Variants in ULK4 observed in about 807,000 individuals in gnomAD.
The protein encoded by ULK4 is inactive serine/threonine-protein kinase ULK4.
A neutral mutation model predicts 160.6 loss-of-function variants in ULK4; 133 were observed. That is an observed-to-expected ratio of 0.83 (90% CI 0.72 to 0.96). ULK4 has a LOEUF of 0.96. Among genes scored for constraint, ULK4 ranks in the 40% least tolerant of loss-of-function variants. The probability of loss-of-function intolerance (pLI) is 0.00; values close to 1 mark genes in which losing one functional copy is unlikely to be tolerated. For synonymous variants in ULK4, 534 were observed against 539.8 expected (o/e 0.99, Z 0.15); for missense variants, 1,580 against 1,499.5 (o/e 1.05, Z -0.89).
chr3:41,775,034 G>A (rs1323077585), intron 21 of ULK4, among the ~76,000 whole-genome samples: 2 of 145,342 alleles, frequency 1.4e-5, no homozygotes, highest in African/African-American at 2.7e-5. Flanking sequence ...GGAACACATG[G>A]ACACAGGAAG....
chr3:41,878,025 T>C (rs1697373916), intron 17 of ULK4, among the ~76,000 whole-genome samples: 1 of 151,400 alleles, frequency 6.6e-6, no homozygotes, highest in Admixed American at 6.6e-5. Flanking sequence ...ACTGTGAATT[T>C]TTCTCTTTTT....
chr3:41,600,293 T>C (rs1211719056), intron 31 of ULK4, among the ~76,000 whole-genome samples: 2 of 152,164 alleles, frequency 1.3e-5, no homozygotes, highest in African/African-American at 2.4e-5. Flanking sequence ...CATGACATAG[T>C]TCCTGCTGTA....
chr3:41,533,171 A>G (rs923959626), intron 32 of ULK4, among the ~76,000 whole-genome samples: 1 of 151,434 alleles, frequency 6.6e-6, no homozygotes, highest in African/African-American at 2.4e-5. Context: ...AGCCCAGATC[A>G]TGCTGCCAAA....
intron 35 of ULK4, among the ~76,000 whole-genome samples, chr3:41,263,948 C>T (rs558304171): frequency 6.6e-6 from 1 of 152,228 alleles, no homozygotes; most frequent in South Asian, 2.1e-4. Context: ...CCTTGAGAAA[C>T]ACAATTAAAA....
At chr3:41,924,110 A>C (rs947665435) in intron 5 of ULK4, among the ~76,000 whole-genome samples, 7 of 152,068 alleles carry the variant, frequency 4.6e-5, no homozygotes, top group Non-Finnish European at 8.8e-5. Context: ...CCTAACCAAA[A>C]TTTTTGCCCT....
At chr3:41,494,111 G>T (rs373330797) in intron 32 of ULK4, among the ~76,000 whole-genome samples, 26,027 of 99,330 alleles carry the variant, frequency 0.26, 2,296 homozygotes, top group Non-Finnish European at 0.29. Context: ...CCAAAGCTGG[G>T]CAGAGACACA....
intron 29 of ULK4, among the ~76,000 whole-genome samples, chr3:41,663,908 T>C (rs1439321918): frequency 1.3e-5 from 2 of 152,102 alleles, no homozygotes; most frequent in East Asian, 1.9e-4. Context: ...AAACCAAATA[T>C]AGAAAGACAA....
chr3:41,650,904 T>A (rs1278096130), intron 30 of ULK4, among the ~76,000 whole-genome samples: 1 of 152,202 alleles, frequency 6.6e-6, no homozygotes, highest in Non-Finnish European at 1.5e-5. Flanking sequence ...CTCATTAACA[T>A]AGAGACAACA....
At chr3:41,343,406 G>A (rs1332138246) in intron 35 of ULK4, among the ~76,000 whole-genome samples, 5 of 145,720 alleles carry the variant, frequency 3.4e-5, no homozygotes, top group African/African-American at 1.3e-4. Context: ...CCGGGTTCCA[G>A]TGATTCTCCT....
intron 35 of ULK4, among the ~76,000 whole-genome samples, chr3:41,350,089 T>C (rs1404975576): frequency 3.3e-5 from 5 of 152,222 alleles, no homozygotes; most frequent in Non-Finnish European, 7.3e-5. Context: ...GACCTTTCCA[T>C]ATTTTATGTA....
intron 27 of ULK4, 54 bp from the exon 28 acceptor site, chr3:41,681,858 C>A: frequency 6.3e-7 from 1 of 1,583,468 alleles, no homozygotes; most frequent in East Asian, 2.2e-5. Context: ...AAACTGATAT[C>A]AACCACTATC....
intron 22 of ULK4, among the ~76,000 whole-genome samples, chr3:41,719,895 G>A (rs929848175): frequency 3.3e-5 from 5 of 151,934 alleles, no homozygotes; most frequent in Admixed American, 1.3e-4. Flanking sequence ...CTCCAGTTTC[G>A]TCTTGTTTTC....
Position 41,273,049 on chromosome 3 carries a change from C to G in ULK4, c.3679-23475G>C, listed in dbSNP as rs535612954. On this transcript the variant is annotated intron_variant, in intron 35 of 36. Coordinates refer to ENST00000301831, the MANE Select transcript of ULK4 (RefSeq NM_017886.4). ...TCACTTCTGGATTGGCTTTGATAGA[C>G]TGTATTTTTCTGCCTCTTTGCATGC... 2.6e-5 allele frequency among the ~76,000 whole-genome samples: 4 copies of G among 152,294 alleles called. No individual in the cohort carries two copies. In the East Asian group the frequency reaches 7.7e-4, roughly 29 times the overall value.
At chr3:41,880,080 A>T (rs910643709) in intron 17 of ULK4, among the ~76,000 whole-genome samples, 1 of 152,140 alleles carries the variant, frequency 6.6e-6, no homozygotes, top group Non-Finnish European at 1.5e-5. Context: ...AGATCACGCC[A>T]CTGCAATCCA....
At chr3:41,340,756 C>T (rs543723503) in intron 35 of ULK4, among the ~76,000 whole-genome samples, 2 of 152,196 alleles carry the variant, frequency 1.3e-5, no homozygotes, top group Admixed American at 1.3e-4. Context: ...AAGGTTCTTT[C>T]GTCTCTGATG....
chr3:41,937,320 G>A (rs535110413), intron 3 of ULK4: 2 of 693,580 alleles, frequency 2.9e-6, no homozygotes, highest in Non-Finnish European at 5.3e-6. Context: ...ATCCATGGAA[G>A]TAATCAACCA....
At position 41,854,335 on chromosome 3, in the gene ULK4, A is replaced by G. The variant is rs566699186; in HGVS notation, c.1657-18364T>C. On this transcript the variant is annotated intron_variant, in intron 17 of 36. Transcript: ENST00000301831. ...ACACCAGCATCTTTGAAGAGCTCTA[A>G]GGTGGCTATCCTTATAGGCCAGAGA... 7.2e-5 allele frequency among the ~76,000 whole-genome samples: 11 copies of G among 152,288 alleles called. No individual in the cohort carries two copies. In the South Asian group the frequency reaches 1.0e-3, roughly 14 times the overall value.
chr3:41,266,654 C>T (rs1409925794), intron 35 of ULK4, among the ~76,000 whole-genome samples: 5 of 152,168 alleles, frequency 3.3e-5, no homozygotes, highest in African/African-American at 1.2e-4. Flanking sequence ...AGGCTGTTTT[C>T]AGTTGGGTTA....
intron 22 of ULK4, among the ~76,000 whole-genome samples, chr3:41,737,596 G>A (rs971645471): frequency 4.0e-5 from 6 of 151,750 alleles, no homozygotes; most frequent in African/African-American, 1.2e-4. Flanking sequence ...GAGGCATCAC[G>A]CTATCTAAGT....
Sources: allele counts gnomAD v4.1 joint callset (sites outside exome capture counted in the v4.1 genomes callset), GRCh38; gene constraint gnomAD v4.1.1; transcripts MANE v1.5; gene names NCBI Gene and HGNC (gene_info 2026-07-23, HGNC 2026-07-21).